TMEM163: variants seen among roughly 807,000 people sequenced by gnomAD.
The protein encoded by TMEM163 is transmembrane protein 163.
A neutral mutation model predicts 29.3 loss-of-function variants in TMEM163; 17 were observed. The observed-to-expected ratio is 0.58, with a 90% CI of 0.40 to 0.87. The LOEUF is 0.87. Ranked by LOEUF, TMEM163 falls within the 40% of genes least tolerant of loss-of-function variation. The pLI is 0.00. For missense variants in TMEM163, 303 were observed against 381.5 expected (o/e 0.79, Z 1.71); for synonymous variants, 157 against 160.6 (o/e 0.98, Z 0.17).
intron 7 of TMEM163, 42 bp downstream of exon 7, chr2:134,457,981 AGGGACACTC>A (rs1411373528): frequency 1.4e-5 from 22 of 1,609,424 alleles, no homozygotes; most frequent in Non-Finnish European, 1.8e-5. Flanking sequence ...GCGGTGGAAA[AGGGACACTC>A]CTAGCTGCCA....
At chr2:134,715,169 T>C (rs61012075) in intron 1 of TMEM163, among the ~76,000 whole-genome samples, 6,629 of 152,332 alleles carry the variant, frequency 0.044, 472 homozygotes, top group African/African-American at 0.15. Flanking sequence ...GATTTCATTT[T>C]CTAAGAGGAA....
intron 2 of TMEM163, among the ~76,000 whole-genome samples, chr2:134,665,254 C>T (rs761103244): frequency 1.4e-4 from 22 of 152,114 alleles, no homozygotes; most frequent in Non-Finnish European, 1.5e-4. Context: ...CTCAACAGTT[C>T]CACAAGGCTG....
chr2:134,697,340 ATT>A (rs1335366225), intron 2 of TMEM163, among the ~76,000 whole-genome samples: 1 of 152,204 alleles, frequency 6.6e-6, no homozygotes, highest in Non-Finnish European at 1.5e-5. Context: ...ACCAGTTACA[ATT>A]AATATTTTAG....
intron 2 of TMEM163, among the ~76,000 whole-genome samples, chr2:134,631,729 T>C (rs979283632): frequency 6.6e-6 from 1 of 152,220 alleles, no homozygotes; most frequent in South Asian, 2.1e-4. Flanking sequence ...TCAAAATAAA[T>C]GTTACCAAAG....
At chr2:134,474,903 G>C (rs550192125) in intron 5 of TMEM163, among the ~76,000 whole-genome samples, 1 of 152,186 alleles carries the variant, frequency 6.6e-6, no homozygotes, top group East Asian at 1.9e-4. Context: ...TAAAACGTTA[G>C]TTCTCCCCAA....
rs185531978 is a variant in TMEM163 at position 134,682,823 on chromosome 2, G to A, written c.322+30377C>T. Among the ~76,000 whole-genome samples the A allele has an allele frequency of 9.2e-5, 14 of 152,284 alleles. No individual in the cohort carries two copies. In the East Asian group the frequency reaches 1.7e-3, roughly 19 times the overall value. On this transcript the variant is annotated intron_variant, in intron 2 of 7. Transcript: ENST00000281924. ...TCCATACAAAAACCTGCACACAGATGTTTATAGCAGCTTTATTCACACTTG... is the reference window on the plus strand; with the variant it reads ...TCCATACAAAAACCTGCACACAGATATTTATAGCAGCTTTATTCACACTTG...
At chr2:134,493,462 C>G (rs1216785150) in intron 5 of TMEM163, among the ~76,000 whole-genome samples, 1 of 132,584 alleles carries the variant, frequency 7.5e-6, no homozygotes, top group Non-Finnish European at 1.5e-5. Context: ...CAACCTCTGT[C>G]TCTGGGGTTC....
rs545599469 is a variant in TMEM163, at chr2:134,688,790, C to T, written c.322+24410G>A. Among the ~76,000 whole-genome samples the T allele has an allele frequency of 4.6e-5, 7 of 152,146 alleles. No homozygotes were observed. The South Asian group carries it at 1.2e-3, about 27-fold the overall frequency. ...TCTTCCTTTCAGGACTCAGACACAC[C>T]GCCCCACTCCCTCCTCCCTGCTACC... On this transcript the variant is annotated intron_variant, in intron 2 of 7. Transcript: ENST00000281924.
chr2:134,568,700 A>G (rs1282992094), intron 2 of TMEM163, among the ~76,000 whole-genome samples: 1 of 152,016 alleles, frequency 6.6e-6, no homozygotes, highest in Non-Finnish European at 1.5e-5. Context: ...AAGGAAAGAA[A>G]GAAAAAGAAA....
At chr2:134,651,604 C>A (rs1683480608) in intron 2 of TMEM163, among the ~76,000 whole-genome samples, 1 of 122,820 alleles carries the variant, frequency 8.1e-6, no homozygotes. Flanking sequence ...GTGTTTTGGA[C>A]ATGAAGTCCT....
chr2:134,474,461 C>T (rs994810975), intron 5 of TMEM163, among the ~76,000 whole-genome samples: 1 of 152,062 alleles, frequency 6.6e-6, no homozygotes, highest in African/African-American at 2.4e-5. Context: ...ATGAATGTTA[C>T]TCCTAAGATC....
At chr2:134,625,939 T>C (rs564593210) in intron 2 of TMEM163, among the ~76,000 whole-genome samples, 82 of 152,214 alleles carry the variant, frequency 5.4e-4, no homozygotes, top group African/African-American at 1.9e-3. Flanking sequence ...ATTGCTGCTA[T>C]AACAAATGAC....
At chr2:134,690,732 T>G (rs548642415) in intron 2 of TMEM163, among the ~76,000 whole-genome samples, 1 of 152,254 alleles carries the variant, frequency 6.6e-6, no homozygotes, top group African/African-American at 2.4e-5. Flanking sequence ...AAGAACTTCA[T>G]GACTTTGGCT....
intron 5 of TMEM163, among the ~76,000 whole-genome samples, chr2:134,499,779 T>G (rs1324065071): frequency 6.6e-6 from 1 of 152,216 alleles, no homozygotes; most frequent in Non-Finnish European, 1.5e-5. Flanking sequence ...AACGCAGTTC[T>G]GCAACTGAGA....
chr2:134,498,521 G>A (rs559065773), intron 5 of TMEM163, among the ~76,000 whole-genome samples: 32 of 151,882 alleles, frequency 2.1e-4, no homozygotes, highest in Admixed American at 8.5e-4. Context: ...TAGTAGAGAC[G>A]GGGTTTCACC....
At chr2:134,661,960 C>A (rs2104859442) in intron 2 of TMEM163, among the ~76,000 whole-genome samples, 1 of 102,800 alleles carries the variant, frequency 9.7e-6, no homozygotes, top group African/African-American at 4.0e-5. Flanking sequence ...GAGATGGAGT[C>A]TTGCTCTGTC....
chr2:134,674,948 A>T (rs1684083218), intron 2 of TMEM163, among the ~76,000 whole-genome samples: 1 of 151,982 alleles, frequency 6.6e-6, no homozygotes, highest in Admixed American at 6.6e-5. Context: ...CCTTTAAAAA[A>T]CCTTTGTGTT....
In TMEM163 at chr2:134,633,436, C is replaced by T. The variant is rs144481767; in HGVS notation, c.322+79764G>A. Among the ~76,000 whole-genome samples the T allele has an allele frequency of 2.8e-3, 433 of 152,056 alleles. 4 individuals are homozygous for T. Among genetic ancestry groups the T allele is most frequent in the African/African-American group, 9.6e-3 (396 of 41,462 alleles). On this transcript the variant is annotated intron_variant, in intron 2 of 7. Coordinates refer to ENST00000281924, the MANE Select transcript of TMEM163 (RefSeq NM_030923.5). ...GTTGCCAAGAGCAGAAACCCTGAGG[C>T]GAGAGGAAGAACTAATCCTAGGGAA...
intron 2 of TMEM163, among the ~76,000 whole-genome samples, chr2:134,580,786 G>A (rs931921251): frequency 6.6e-6 from 1 of 152,142 alleles, no homozygotes; most frequent in African/African-American, 2.4e-5. Context: ...GATGGTGCAT[G>A]TCTGTAATCC....
Sources: allele counts gnomAD v4.1 joint callset (sites outside exome capture counted in the v4.1 genomes callset), GRCh38; gene constraint gnomAD v4.1.1; transcripts MANE v1.5; gene names NCBI Gene and HGNC (gene_info 2026-07-23, HGNC 2026-07-21).